ACTR5: variants seen among roughly 807,000 people sequenced by gnomAD.
The protein encoded by ACTR5 is actin-related protein 5.
A neutral mutation model predicts 61.2 loss-of-function variants in ACTR5; 43 were observed. That is an observed-to-expected ratio of 0.70 (90% CI 0.55 to 0.91). The LOEUF (loss-of-function observed/expected upper bound fraction) is 0.91, where lower values mean the gene tolerates loss of function less well. ACTR5 is among the 40% of genes least tolerant of loss of function. The pLI is 0.00. For missense variants in ACTR5, 798 were observed against 782.2 expected (o/e 1.02, Z -0.24); for synonymous variants, 333 against 310.5 (o/e 1.07, Z -0.76).
intron 5 of ACTR5, among the ~76,000 whole-genome samples, chr20:38,757,097 T>TA (rs1455562717): frequency 6.6e-6 from 1 of 152,130 alleles, no homozygotes; most frequent in Admixed American, 6.5e-5. Context: ...AAGTCATTTT[T>TA]ACAATTTTTT....
chr20:38,757,250 A>G (rs759036193), intron 5 of ACTR5, among the ~76,000 whole-genome samples: 7 of 152,288 alleles, frequency 4.6e-5, no homozygotes, highest in South Asian at 2.1e-4. Context: ...GAAGTAGCCA[A>G]AAGAGCTTAG....
At chr20:38,766,152 AT>A (rs3215704) in intron 6 of ACTR5, 85 bp from the exon 7 acceptor site, 622,340 of 1,477,282 alleles carry the variant, frequency 0.42, 132,315 homozygotes, top group Middle Eastern at 0.46. Flanking sequence ...AACTATTGGG[AT>A]TAAGAAACGC....
At chr20:38,767,338 T>C (rs933849116) in intron 7 of ACTR5, 126 bp from the exon 8 acceptor site, 1 of 751,086 alleles carries the variant, frequency 1.3e-6, no homozygotes, top group Admixed American at 3.5e-5. Flanking sequence ...AAGTTTTGAT[T>C]TTTTTTTTTT....
At chr20:38,759,564 T>C (rs1568636197) in intron 5 of ACTR5, among the ~76,000 whole-genome samples, 1 of 152,072 alleles carries the variant, frequency 6.6e-6, no homozygotes, top group Non-Finnish European at 1.5e-5. Context: ...TAGGTGAAGG[T>C]GAATGTTGAT....
At chr20:38,769,147 C>T (rs1322308703) in intron 8 of ACTR5, among the ~76,000 whole-genome samples, 1 of 152,180 alleles carries the variant, frequency 6.6e-6, no homozygotes, top group Non-Finnish European at 1.5e-5. Context: ...TTTCCTGCCT[C>T]AGGGCCTTTG....
In ACTR5 at chr20:38,748,513, G is replaced by A; in HGVS notation, c.35G>A (p.Arg12His). Reference protein sequence around the residue: ...AANVFPFRDARAAPDPVLEAG... With the variant: ...AANVFPFRDAHAAPDPVLEAG... Reference sequence around the variant, plus strand: ...AACGTGTTCCCGTTCCGCGACGCCCGTGCCGCACCGGACCCAGTGCTGGAG... The same window carrying A: ...AACGTGTTCCCGTTCCGCGACGCCCATGCCGCACCGGACCCAGTGCTGGAG... The change falls in exon 1 of 9, where the codon CGT becomes CAT. Residue 12 changes from arginine (R) to histidine (H), a missense_variant. Transcript: ENST00000243903. 2.7e-6 allele frequency: 4 copies of A among 1,498,998 alleles called. No individual in the cohort carries two copies. The highest frequency in any genetic ancestry group is 5.6e-5 in the East Asian group (2 of 35,506). The allele number at this position is 1,498,998 out of a possible 1,614,324, so 92.9% of individuals were successfully genotyped here.
At chr20:38,771,169 G>A (rs1008493752) in intron 8 of ACTR5, among the ~76,000 whole-genome samples, 1 of 152,182 alleles carries the variant, frequency 6.6e-6, no homozygotes, top group Non-Finnish European at 1.5e-5. Context: ...GCCTTGCAGC[G>A]GCCCCTGTTT....
rs911928404 is a variant in ACTR5 at position 38,772,169 on chromosome 20, T to TA, written c.*361dup. ...TACCACATTTTAGTCTTTCTTGTTT[T>TA]AAAAAAAATTCTTTAAAATTTATCT... On this transcript the variant is annotated 3_prime_UTR_variant, in exon 9 of 9. Coordinates refer to ENST00000243903, the MANE Select transcript of ACTR5 (RefSeq NM_024855.4). 5.9e-5 allele frequency: 14 copies of TA among 236,290 alleles called. No homozygotes were observed. Among genetic ancestry groups the TA allele is most frequent in the East Asian group, 9.3e-5 (1 of 10,724 alleles). 14.6% of individuals were successfully genotyped at this position (236,290 alleles called of 1,614,324 possible).
At position 38,769,146 on chromosome 20, in the gene ACTR5, T is replaced by C. The variant is rs76965102; in HGVS notation, c.1566+1550T>C. On this transcript the variant is annotated intron_variant, in intron 8 of 8. Transcript: ENST00000243903. ...ATTAGTTTTCCAGAGTTTTCCTGCC[T>C]CAGGGCCTTTGTACATGCTGGCTCC... 2.3e-4 allele frequency among the ~76,000 whole-genome samples: 35 copies of C among 152,300 alleles called. No homozygotes were observed. The East Asian group carries it at 6.7e-3, about 29-fold the overall frequency.
chr20:38,753,873 C>CTTTTTTTTCTTTTTTTTTTT (rs1161339872), intron 3 of ACTR5, among the ~76,000 whole-genome samples: 4 of 116,770 alleles, frequency 3.4e-5, no homozygotes, highest in East Asian at 2.5e-4. Context: ...GTTATTCGAG[C>CTTTTTTTTCTTTTTTTTTTT]TTTTTTTTTT....
chr20:38,756,498 T>A (rs1486695827), intron 5 of ACTR5, among the ~76,000 whole-genome samples: 1 of 152,246 alleles, frequency 6.6e-6, no homozygotes, highest in Non-Finnish European at 1.5e-5. Context: ...CAATAATATA[T>A]GTATAGGTTG....
intron 3 of ACTR5, among the ~76,000 whole-genome samples, chr20:38,754,489 C>T (rs966237962): frequency 3.3e-5 from 5 of 151,814 alleles, no homozygotes; most frequent in African/African-American, 4.8e-5. Context: ...GAGGCCGAGG[C>T]GAGTGGATCA....
chr20:38,757,126 C>G (rs2084424992), intron 5 of ACTR5, among the ~76,000 whole-genome samples: 1 of 152,036 alleles, frequency 6.6e-6, no homozygotes. Context: ...GGGGTCTCAC[C>G]AAGTTGTCCA....
In ACTR5 at chr20:38,767,525, A is replaced by G. The variant is rs1357051186; in HGVS notation, c.1495A>G (p.Met499Val). ...QNVFLTGGNT[M>V]YPGMKARMEK... ...CGTTTTCCTCACTGGCGGCAACACG[A>G]TGTATCCTGGCATGAAAGCCAGAAT... The change falls in exon 8 of 9, where the codon ATG becomes GTG. Residue 499 changes from methionine (M) to valine (V), a missense_variant. Transcript: ENST00000243903. 6.2e-7 allele frequency: 1 copy of G among 1,614,178 alleles called. No individual in the cohort carries two copies.
At position 38,750,607 on chromosome 20, in the gene ACTR5, T is replaced by G. The variant is rs199615799; in HGVS notation, c.605+368T>G. Among the ~76,000 whole-genome samples the G allele has an allele frequency of 1.8e-3, 15 of 8,424 alleles. No individual in the cohort carries two copies. The Non-Finnish European group carries it at 0.074, about 41-fold the overall frequency. 5.5% of individuals were successfully genotyped at this position (8,424 alleles called of 152,430 possible). A position where few individuals can be genotyped will look rare whatever the true frequency, so the allele number is the denominator to read the frequency against. ...TCTTTGTGTTCTGGAGTTTTTTTTG[T>G]TTTTTTTTTGTTTTTGTTTTTGTTT... On this transcript the variant is annotated intron_variant, in intron 2 of 8. Transcript: ENST00000243903.
At chr20:38,756,200 T>C (rs2084419198) in intron 5 of ACTR5, among the ~76,000 whole-genome samples, 161 bp downstream of exon 5, 1 of 152,052 alleles carries the variant, frequency 6.6e-6, no homozygotes, top group Admixed American at 6.6e-5. Flanking sequence ...TGAAATTCTG[T>C]CAGAAGGGAT....
rs943252222 is a variant in ACTR5 at position 38,748,502 on chromosome 20, C to T, written c.24C>T (p.Phe8=). MAANVFP[F]RDARAAPDPV... is the part of the protein sequence containing the mutation. ...AGATGGCGGCGAACGTGTTCCCGTT[C>T]CGCGACGCCCGTGCCGCACCGGACC... The change falls in exon 1 of 9, where the codon TTC becomes TTT. Residue 8 remains phenylalanine, a synonymous_variant. Transcript: ENST00000243903. 6 of 1,495,010 alleles carry T rather than the reference C, an allele frequency of 4.0e-6. No individual in the cohort carries two copies. The highest frequency in any genetic ancestry group is 1.3e-5 in the South Asian group (1 of 79,660). The allele number at this position is 1,495,010 out of a possible 1,614,324, so 92.6% of individuals were successfully genotyped here.
chr20:38,755,122 A>G lies in ACTR5; in HGVS notation c.941A>G (p.Glu314Gly). The G allele has an allele frequency of 6.2e-7, 1 of 1,613,950 alleles. No homozygotes were observed. Among genetic ancestry groups the G allele is most frequent in the Non-Finnish European group, 8.5e-7 (1 of 1,179,944 alleles). Reference sequence around the variant, plus strand: ...CAGGAGCTCAATGCCCGGCGGCGGGAGGAGAAGCTGCAGCTGGATCAGGAG... The same window carrying G: ...CAGGAGCTCAATGCCCGGCGGCGGGGGGAGAAGCTGCAGCTGGATCAGGAG... ...RLQELNARRR[E>G]EKLQLDQERL... The change falls in exon 4 of 9, where the codon GAG (glutamate) becomes GGG (glycine). Residue 314 changes from glutamate to glycine, a missense_variant. Physicochemically the swap from Glu to Gly is moderately conservative, Grantham distance 98. Coordinates refer to ENST00000243903, the MANE Select transcript of ACTR5 (RefSeq NM_024855.4).
At chr20:38,751,998 A>C in intron 2 of ACTR5, 133 bp from the exon 3 acceptor site, 1 of 1,012,458 alleles carries the variant, frequency 9.9e-7, no homozygotes. Context: ...GTCCCTTCTG[A>C]CTATCAGGTT....
Sources: allele counts gnomAD v4.1 joint callset (sites outside exome capture counted in the v4.1 genomes callset), GRCh38; gene constraint gnomAD v4.1.1; transcripts MANE v1.5; gene names NCBI Gene and HGNC (gene_info 2026-07-23, HGNC 2026-07-21).